The following CCDC192 variants were observed in gnomAD, a reference collection of about 807,000 sequenced individuals.
The protein encoded by CCDC192 is coiled-coil domain-containing protein 192.
chr5:127,896,185 T>G (rs1309863690), intron 6 of CCDC192, among the ~76,000 whole-genome samples: 1 of 152,044 alleles, frequency 6.6e-6, no homozygotes, highest in Non-Finnish European at 1.5e-5. Context: ...CCTCCTGCAA[T>G]TCCAACACTT....
chr5:127,779,106 G>C (rs189214949), intron 3 of CCDC192, among the ~76,000 whole-genome samples: 1 of 151,818 alleles, frequency 6.6e-6, no homozygotes, highest in East Asian at 1.9e-4. Flanking sequence ...TTATTCTCTA[G>C]CTTGTCATCT....
chr5:127,833,162 T>C (rs1170691833), intron 5 of CCDC192, among the ~76,000 whole-genome samples: 1 of 152,220 alleles, frequency 6.6e-6, no homozygotes, highest in Non-Finnish European at 1.5e-5. Context: ...TTCGCAGTCC[T>C]GCCTTGTTCT....
intron 5 of CCDC192, among the ~76,000 whole-genome samples, chr5:127,822,896 G>T (rs1194416826): frequency 2.0e-5 from 3 of 152,158 alleles, no homozygotes; most frequent in Non-Finnish European, 4.4e-5. Flanking sequence ...TAGCTTCAGG[G>T]TTAGACCATG....
At chr5:127,864,854 A>G (rs1751533774) in intron 5 of CCDC192, among the ~76,000 whole-genome samples, 1 of 152,238 alleles carries the variant, frequency 6.6e-6, no homozygotes, top group African/African-American at 2.4e-5. Flanking sequence ...ATTAAAAATA[A>G]CTATATATAA....
intron 5 of CCDC192, among the ~76,000 whole-genome samples, chr5:127,874,078 A>C (rs906359094): frequency 6.6e-6 from 1 of 152,176 alleles, no homozygotes; most frequent in Admixed American, 6.5e-5. Context: ...ATGTTTCAAC[A>C]GCTGGCCAGC....
At chr5:127,909,990 C>T (rs1037450367) in intron 6 of CCDC192, among the ~76,000 whole-genome samples, 1 of 152,128 alleles carries the variant, frequency 6.6e-6, no homozygotes, top group African/African-American at 2.4e-5. Context: ...TTCCTCATTT[C>T]CTCTGTGGAT....
At chr5:127,784,028 A>T (rs901478389) in intron 3 of CCDC192, among the ~76,000 whole-genome samples, 1 of 152,068 alleles carries the variant, frequency 6.6e-6, no homozygotes, top group Non-Finnish European at 1.5e-5. Flanking sequence ...GAGAGTCCTT[A>T]TGTGTTAGGA....
At chr5:127,852,101 T>C (rs567763101) in intron 5 of CCDC192, among the ~76,000 whole-genome samples, 1 of 152,370 alleles carries the variant, frequency 6.6e-6, no homozygotes, top group Non-Finnish European at 1.5e-5. Context: ...GTGCTCAAAA[T>C]GTTTTCCACG....
intron 5 of CCDC192, among the ~76,000 whole-genome samples, chr5:127,865,685 A>G (rs1751578662): frequency 6.7e-6 from 1 of 150,284 alleles, no homozygotes; most frequent in Non-Finnish European, 1.5e-5. Context: ...CACATTTATA[A>G]AATTGTATGA....
At chr5:127,824,752 C>G (rs1041782494) in intron 5 of CCDC192, among the ~76,000 whole-genome samples, 1 of 152,108 alleles carries the variant, frequency 6.6e-6, no homozygotes, top group African/African-American at 2.4e-5. Flanking sequence ...CCTCAGCGTG[C>G]CTTGCCTTCT....
chr5:127,900,663 T>A (rs1380280264), intron 6 of CCDC192, among the ~76,000 whole-genome samples: 1 of 152,168 alleles, frequency 6.6e-6, no homozygotes, highest in African/African-American at 2.4e-5. Context: ...TATTAAACAT[T>A]ATAGAACATG....
chr5:127,850,814 A>C lies in CCDC192; in HGVS notation c.412-24724A>C, dbSNP rs565504444. 4.6e-5 allele frequency among the ~76,000 whole-genome samples: 7 copies of C among 152,210 alleles called. No homozygotes were observed. The East Asian group carries it at 1.4e-3, about 29-fold the overall frequency. On this transcript the variant is annotated intron_variant, in intron 5 of 6. Coordinates refer to ENST00000514853, the MANE Select transcript of CCDC192 (RefSeq NM_001317938.2). ...AACCCTATATCTACTAAAAATACAA[A>C]AATTAGCCAGGCATGGTGGCAGGCG... is the stretch of plus-strand genomic sequence containing the variant.
At chr5:127,929,172 AT>A (rs1753949667) in intron 6 of CCDC192, among the ~76,000 whole-genome samples, 1 of 152,204 alleles carries the variant, frequency 6.6e-6, no homozygotes, top group Non-Finnish European at 1.5e-5. Flanking sequence ...TTATTTCATC[AT>A]TTTTAGTATT....
chr5:127,903,124 G>A (rs573715658), intron 6 of CCDC192, among the ~76,000 whole-genome samples: 16 of 152,144 alleles, frequency 1.1e-4, no homozygotes, highest in African/African-American at 3.9e-4. Context: ...TTGCTGTAAA[G>A]AGGCAGACAC....
chr5:127,702,996 C>A (rs1750769398), upstream of CCDC192, among the ~76,000 whole-genome samples: 1 of 152,156 alleles, frequency 6.6e-6, no homozygotes, highest in Non-Finnish European at 1.5e-5. Flanking sequence ...GCCGGCGGGT[C>A]CCAGGGAAAG....
At chr5:127,705,023 G>T (rs1750884997) in intron 1 of CCDC192, among the ~76,000 whole-genome samples, 1 of 151,800 alleles carries the variant, frequency 6.6e-6, no homozygotes, top group African/African-American at 2.4e-5. Context: ...TGAGAAAAAT[G>T]CCGTATCATT....
intron 2 of CCDC192, among the ~76,000 whole-genome samples, chr5:127,747,638 G>A (rs921184161): frequency 4.6e-5 from 7 of 151,848 alleles, no homozygotes; most frequent in Non-Finnish European, 1.0e-4. Flanking sequence ...GGGATGGCTG[G>A]GTCAAATGGT....
intron 6 of CCDC192, among the ~76,000 whole-genome samples, chr5:127,887,817 C>G (rs1752613351): frequency 6.6e-6 from 1 of 151,494 alleles, no homozygotes; most frequent in Non-Finnish European, 1.5e-5. Context: ...CATTCTCCTG[C>G]CTCAGCCTCC....
At chr5:127,754,469 T>TGA in intron 3 of CCDC192, 94 bp downstream of exon 3, 1 of 352,196 alleles carries the variant, frequency 2.8e-6, no homozygotes, top group Non-Finnish European at 5.0e-6. Flanking sequence ...CTCCCTCTAC[T>TGA]GATACACACA....
Sources: allele counts gnomAD v4.1 joint callset (sites outside exome capture counted in the v4.1 genomes callset), GRCh38; gene constraint gnomAD v4.1.1; transcripts MANE v1.5; gene names NCBI Gene and HGNC (gene_info 2026-07-23, HGNC 2026-07-21).